Variants in PREX2 observed in about 807,000 individuals in gnomAD.
The protein encoded by PREX2 is phosphatidylinositol-3,4,5-trisphosphate dependent Rac exchange factor 2.
A neutral mutation model predicts 203.2 loss-of-function variants in PREX2; 107 were observed. The ratio of observed to expected loss-of-function variants is 0.53; its 90% CI spans 0.45 to 0.62. The LOEUF is 0.62. Ranked by LOEUF, PREX2 falls within the 20% of genes least tolerant of loss-of-function variation. The probability of loss-of-function intolerance (pLI) is 0.00; values close to 1 mark genes in which losing one functional copy is unlikely to be tolerated. For missense variants in PREX2, 1,777 were observed against 1,955.9 expected, an observed-to-expected ratio of 0.91 and a Z score of 1.72; for synonymous variants, 672 against 663.6, an observed-to-expected ratio of 1.01 and a Z score of -0.19.
intron 7 of PREX2, among the ~76,000 whole-genome samples, chr8:68,039,948 C>T (rs966501699): frequency 4.6e-5 from 7 of 152,152 alleles, no homozygotes; most frequent in African/African-American, 1.7e-4. Flanking sequence ...AACCAGAGCA[C>T]CTTTTATAAA....
intron 37 of PREX2, among the ~76,000 whole-genome samples, chr8:68,198,424 C>T (rs1812441464): frequency 2.0e-5 from 3 of 152,102 alleles, no homozygotes; most frequent in Admixed American, 2.0e-4. Flanking sequence ...TGCTTTTGTA[C>T]CCATGCCAGT....
chr8:68,201,035 G>A (rs1203929567), intron 37 of PREX2, among the ~76,000 whole-genome samples: 1 of 151,958 alleles, frequency 6.6e-6, no homozygotes, highest in African/African-American at 2.4e-5. Flanking sequence ...CTTTAAAAAC[G>A]ATTAAACAGA....
intron 25 of PREX2, among the ~76,000 whole-genome samples, chr8:68,114,611 A>G (rs1333523895): frequency 6.6e-6 from 1 of 152,230 alleles, no homozygotes; most frequent in Non-Finnish European, 1.5e-5. Flanking sequence ...CAGCTACTCA[A>G]AGTCCTCAGC....
At chr8:68,011,419 T>C (rs759976394) in intron 1 of PREX2, among the ~76,000 whole-genome samples, 2 of 128,278 alleles carry the variant, frequency 1.6e-5, no homozygotes, top group African/African-American at 4.0e-5. Flanking sequence ...ATGAGTAAAA[T>C]GGGCTTTGTA....
intron 18 of PREX2, among the ~76,000 whole-genome samples, 168 bp from the exon 19 acceptor site, chr8:68,087,556 G>T (rs1383300743): frequency 1.3e-5 from 2 of 152,176 alleles, no homozygotes; most frequent in African/African-American, 4.8e-5. Flanking sequence ...ACACTGTATT[G>T]CATGAGGTTG....
chr8:68,015,367 A>T (rs1807382696), intron 1 of PREX2, among the ~76,000 whole-genome samples: 1 of 152,198 alleles, frequency 6.6e-6, no homozygotes, highest in African/African-American at 2.4e-5. Flanking sequence ...CTTGGTCAGA[A>T]ATGCTAACAA....
intron 1 of PREX2, among the ~76,000 whole-genome samples, chr8:68,014,141 A>G (rs140374352): frequency 1.3e-5 from 2 of 152,326 alleles, no homozygotes; most frequent in African/African-American, 4.8e-5. Flanking sequence ...ATGGGCAGAC[A>G]CGGATAAAGG....
At chr8:67,960,330 C>T (rs891027747) in intron 1 of PREX2, among the ~76,000 whole-genome samples, 6 of 152,108 alleles carry the variant, frequency 3.9e-5, no homozygotes, top group Non-Finnish European at 7.4e-5. Context: ...GCGTGAGCCA[C>T]GGTGCCCGGC....
At chr8:68,154,691 A>G (rs932237357) in intron 34 of PREX2, among the ~76,000 whole-genome samples, 2 of 152,238 alleles carry the variant, frequency 1.3e-5, no homozygotes, top group Non-Finnish European at 2.9e-5. Flanking sequence ...ACGAAGATGT[A>G]GGCTCTAAGA....
chr8:68,003,442 C>T (rs1807002998), intron 1 of PREX2, among the ~76,000 whole-genome samples: 2 of 152,160 alleles, frequency 1.3e-5, no homozygotes, highest in Non-Finnish European at 2.9e-5. Flanking sequence ...TTGGGTGGAG[C>T]TAGTGAGTAC....
At chr8:68,231,307 G>T in intron 39 of PREX2, 26 bp from the exon 40 acceptor site, 1 of 1,557,942 alleles carries the variant, frequency 6.4e-7, no homozygotes, top group Non-Finnish European at 8.7e-7. Context: ...CTAAGTCACT[G>T]TCAAACTTTA....
At chr8:68,096,214 G>T (rs569208977) in intron 21 of PREX2, among the ~76,000 whole-genome samples, 1 of 152,238 alleles carries the variant, frequency 6.6e-6, no homozygotes, top group African/African-American at 2.4e-5. Context: ...AGGTAGATTG[G>T]TTCCTATAAT....
chr8:67,960,864 G>T (rs796259861), intron 1 of PREX2, among the ~76,000 whole-genome samples: 10 of 151,624 alleles, frequency 6.6e-5, no homozygotes, highest in African/African-American at 2.4e-4. Flanking sequence ...TGTATGATAG[G>T]CTTTGTTCAA....
In PREX2 at chr8:68,231,473, A is replaced by C; in HGVS notation, c.*95A>C. On this transcript the variant is annotated 3_prime_UTR_variant, in exon 40 of 40. Coordinates refer to ENST00000288368, the MANE Select transcript of PREX2 (RefSeq NM_024870.4). ...AAACATTCTCCACTGAAGATACATCAATGCTTTTTTTTTTTTTTTTTTCTG... is the reference window on the plus strand; with the variant it reads ...AAACATTCTCCACTGAAGATACATCCATGCTTTTTTTTTTTTTTTTTTCTG... 1.2e-6 allele frequency: 1 copy of C among 852,602 alleles called. No homozygotes were observed. The highest frequency in any genetic ancestry group is 1.6e-6 in the Non-Finnish European group (1 of 606,098). 52.8% of individuals were successfully genotyped at this position (852,602 alleles called of 1,614,324 possible). A position where few individuals can be genotyped will look rare whatever the true frequency, so the allele number is the denominator to read the frequency against.
At chr8:68,088,730 A>G (rs1809776720) in intron 19 of PREX2, among the ~76,000 whole-genome samples, 1 of 152,222 alleles carries the variant, frequency 6.6e-6, no homozygotes, top group South Asian at 2.1e-4. Context: ...AATCTTCCCA[A>G]TAACTCATTA....
intron 39 of PREX2, among the ~76,000 whole-genome samples, chr8:68,224,981 G>A (rs1349960580): frequency 6.6e-6 from 1 of 152,012 alleles, no homozygotes; most frequent in African/African-American, 2.4e-5. Flanking sequence ...TCCCATATGT[G>A]TTTGTATGGG....
intron 30 of PREX2, among the ~76,000 whole-genome samples, chr8:68,121,260 A>G (rs1363037382): frequency 1.3e-5 from 2 of 152,146 alleles, no homozygotes; most frequent in African/African-American, 4.8e-5. Context: ...ATCATGGAGA[A>G]TATTCTCAGT....
chr8:68,038,837 A>C (rs1273269019), intron 7 of PREX2, among the ~76,000 whole-genome samples: 1 of 152,112 alleles, frequency 6.6e-6, no homozygotes, highest in Non-Finnish European at 1.5e-5. Context: ...TTCAAAACTC[A>C]CATGGATGAT....
At chr8:67,985,923 T>C (rs941527898) in intron 1 of PREX2, among the ~76,000 whole-genome samples, 5 of 152,274 alleles carry the variant, frequency 3.3e-5, no homozygotes, top group Non-Finnish European at 7.4e-5. Context: ...ATGTGGTTTC[T>C]AGCAGGGAAC....
Sources: allele counts gnomAD v4.1 joint callset (sites outside exome capture counted in the v4.1 genomes callset), GRCh38; gene constraint gnomAD v4.1.1; transcripts MANE v1.5; gene names NCBI Gene and HGNC (gene_info 2026-07-23, HGNC 2026-07-21).